CHIC1: variants seen among roughly 807,000 people sequenced by gnomAD.
The protein encoded by CHIC1 is cysteine rich hydrophobic domain 1.
CHIC1 carries 7 observed loss-of-function variants against 18.5 expected under a neutral mutation model. The observed-to-expected ratio is 0.38, with a 90% CI of 0.22 to 0.71. The LOEUF (loss-of-function observed/expected upper bound fraction) is 0.71, where lower values mean the gene tolerates loss of function less well. Ranked by LOEUF, CHIC1 falls within the 30% of genes least tolerant of loss-of-function variation. The probability of loss-of-function intolerance (pLI) is 0.49; values close to 1 mark genes in which losing one functional copy is unlikely to be tolerated. For synonymous variants in CHIC1, 77 were observed against 73.5 expected, an observed-to-expected ratio of 1.05 and a Z score of -0.25; for missense variants, 159 against 176.9, an observed-to-expected ratio of 0.90 and a Z score of 0.57.
In CHIC1 at chrX:73,682,158, A is replaced by C. The variant is rs1462495231; in HGVS notation, c.*1153A>C. ...GCAGCTGATTCATAATTGAAAAAAAATTCTCAATTCTGTTTTTGATGATCC... is the reference window on the plus strand; with the variant it reads ...GCAGCTGATTCATAATTGAAAAAAACTTCTCAATTCTGTTTTTGATGATCC... On this transcript the variant is annotated 3_prime_UTR_variant, in exon 6 of 6. Coordinates refer to ENST00000373502, the MANE Select transcript of CHIC1 (RefSeq NM_001039840.4). 1.8e-5 allele frequency: 2 copies of C among 111,682 alleles called. No individual in the cohort carries two copies. The highest frequency in any genetic ancestry group is 6.5e-5 in the African/African-American group (2 of 30,891). The allele number at this position is 111,682 out of a possible 1,213,427, so 9.2% of individuals were successfully genotyped here.
At chrX:73,636,060 C>G (rs951102797) in intron 3 of CHIC1, among the ~76,000 whole-genome samples, 1 of 111,483 alleles carries the variant, frequency 9.0e-6, no homozygotes, top group East Asian at 2.8e-4. Flanking sequence ...TCTTTTTATA[C>G]TTTTTATGTA....
chrX:73,599,174 G>A (rs2057628397), intron 3 of CHIC1, among the ~76,000 whole-genome samples: 2 of 110,522 alleles, frequency 1.8e-5, no homozygotes, highest in African/African-American at 6.7e-5. Context: ...CCTTTTGATG[G>A]CGTTGTTTGT....
intron 1 of CHIC1, among the ~76,000 whole-genome samples, chrX:73,568,280 T>C (rs763313726): frequency 7.2e-5 from 8 of 111,844 alleles, no homozygotes; most frequent in Non-Finnish European, 1.5e-4. Flanking sequence ...TTTGGGTTTC[T>C]AGTTACTTTA....
chrX:73,626,927 G>C (rs918429530), intron 3 of CHIC1, among the ~76,000 whole-genome samples: 4 of 110,239 alleles, frequency 3.6e-5, no homozygotes, highest in African/African-American at 1.3e-4. Context: ...GGGATTATTT[G>C]TAGACATCCT....
intron 2 of CHIC1, among the ~76,000 whole-genome samples, chrX:73,578,303 C>T (rs2057510072): frequency 9.1e-6 from 1 of 110,461 alleles, no homozygotes; most frequent in Non-Finnish European, 1.9e-5. Flanking sequence ...GAAGGCTCTG[C>T]CTAAGGCAAA....
chrX:73,632,792 G>A (rs11797710), intron 3 of CHIC1, among the ~76,000 whole-genome samples: 3,416 of 77,338 alleles, frequency 0.044, 111 homozygotes, highest in Non-Finnish European at 0.069. Context: ...TTTTTGAGTC[G>A]GAGTTTCGCT....
intron 3 of CHIC1, among the ~76,000 whole-genome samples, chrX:73,586,235 A>G (rs985309793): frequency 9.0e-6 from 1 of 111,366 alleles, no homozygotes; most frequent in African/African-American, 3.3e-5. Flanking sequence ...TCTCTGGTTC[A>G]TCTTAGAAAC....
At chrX:73,673,332 C>T (rs1346894125) in intron 3 of CHIC1, among the ~76,000 whole-genome samples, 3 of 111,663 alleles carry the variant, frequency 2.7e-5, no homozygotes, top group Non-Finnish European at 3.8e-5. Flanking sequence ...TATAAATTAC[C>T]TTGGGCAGTA....
intron 3 of CHIC1, among the ~76,000 whole-genome samples, chrX:73,611,577 T>A (rs1319059874): frequency 1.9e-5 from 2 of 108,033 alleles, no homozygotes; most frequent in Non-Finnish European, 3.8e-5. Flanking sequence ...TAGTTCTAGA[T>A]CCCTGAGGAA....
intron 3 of CHIC1, among the ~76,000 whole-genome samples, chrX:73,636,306 C>A (rs925262939): frequency 1.6e-4 from 18 of 111,415 alleles, no homozygotes; most frequent in African/African-American, 5.9e-4. Context: ...TGAGGTCTTA[C>A]TGTGTTGTCC....
intron 3 of CHIC1, among the ~76,000 whole-genome samples, chrX:73,634,320 G>C (rs552554632): frequency 2.7e-5 from 3 of 112,815 alleles, no homozygotes; most frequent in African/African-American, 9.6e-5. Flanking sequence ...ACTCTATCCT[G>C]TCAAGCCAGG....
At chrX:73,623,847 C>T (rs1364932269) in intron 3 of CHIC1, among the ~76,000 whole-genome samples, 1 of 111,410 alleles carries the variant, frequency 9.0e-6, no homozygotes, top group African/African-American at 3.3e-5. Flanking sequence ...TTGATTTAAC[C>T]TTTTATTATT....
At chrX:73,580,077 A>T (rs759398937) in intron 2 of CHIC1, among the ~76,000 whole-genome samples, 1 of 110,652 alleles carries the variant, frequency 9.0e-6, no homozygotes, top group Non-Finnish European at 1.9e-5. Flanking sequence ...ATTCCCAGGC[A>T]TACAAATTAT....
chrX:73,567,146 CTCT>C (rs754500585), intron 1 of CHIC1, among the ~76,000 whole-genome samples: 11 of 110,438 alleles, frequency 1.0e-4, no homozygotes, highest in Non-Finnish European at 1.7e-4. Flanking sequence ...CAGCCCACTA[CTCT>C]TCTTATTCCC....
intron 1 of CHIC1, among the ~76,000 whole-genome samples, chrX:73,565,026 T>C (rs981011159): frequency 2.7e-4 from 30 of 110,386 alleles, no homozygotes; most frequent in Non-Finnish European, 3.2e-4. Context: ...ATTGGGGAAG[T>C]GTTGGGGGAG....
At chrX:73,581,961 C>T (rs920586037) in intron 2 of CHIC1, among the ~76,000 whole-genome samples, 1 of 110,371 alleles carries the variant, frequency 9.1e-6, no homozygotes, top group Non-Finnish European at 1.9e-5. Context: ...AAGCTATTTT[C>T]TCTTCCCTCT....
chrX:73,631,286 TTTGGGC>T, intron 3 of CHIC1, among the ~76,000 whole-genome samples: 1 of 111,467 alleles, frequency 9.0e-6, no homozygotes, highest in South Asian at 3.8e-4. Context: ...TTCTGCTAAC[TTTGGGC>T]TTGCTTTATT....
At chrX:73,672,387 A>T (rs1465551660) in intron 3 of CHIC1, among the ~76,000 whole-genome samples, 1 of 111,541 alleles carries the variant, frequency 9.0e-6, no homozygotes, top group Non-Finnish European at 1.9e-5. Context: ...TCCCACCAAC[A>T]GTGTAAAAGT....
At chrX:73,597,663 C>T (rs994573626) in intron 3 of CHIC1, among the ~76,000 whole-genome samples, 1 of 107,975 alleles carries the variant, frequency 9.3e-6, no homozygotes, top group Non-Finnish European at 1.9e-5. Flanking sequence ...GATACATGTG[C>T]AGAACGTGCA....
Sources: gnomAD v4.1 joint callset for allele counts (sites outside exome capture counted in the v4.1 genomes callset) on GRCh38, gnomAD v4.1.1 for gene constraint, MANE v1.5 for transcripts, NCBI Gene and HGNC (gene_info 2026-07-23, HGNC 2026-07-21) for gene names.